The following FBLN5 variants were observed in gnomAD, a reference collection of about 807,000 sequenced individuals.
FBLN5 encodes fibulin-5.
Under a neutral mutation model 61.6 loss-of-function variants are expected in FBLN5, and 24 were observed. The observed-to-expected ratio is 0.39, with a 90% CI of 0.28 to 0.55. FBLN5 has a LOEUF of 0.55. Among genes scored for constraint, FBLN5 ranks in the 20% least tolerant of loss-of-function variants. The pLI is 0.65. For synonymous variants in FBLN5, 213 were observed against 219.8 expected, an observed-to-expected ratio of 0.97 and a Z score of 0.27; for missense variants, 470 against 594.1, an observed-to-expected ratio of 0.79 and a Z score of 2.17.
intron 7 of FBLN5, among the ~76,000 whole-genome samples, chr14:91,883,411 C>T (rs746837170): frequency 2.2e-4 from 33 of 152,232 alleles, no homozygotes; most frequent in East Asian, 1.9e-4. Flanking sequence ...ATCCACCCTC[C>T]GCCTCTGACC....
intron 4 of FBLN5, among the ~76,000 whole-genome samples, chr14:91,921,728 T>C (rs1300677644): frequency 6.6e-6 from 1 of 152,152 alleles, no homozygotes; most frequent in Non-Finnish European, 1.5e-5. Context: ...GGGTGCCATC[T>C]GAACTGAGCT....
chr14:91,936,105 C>T (rs1177169586), intron 4 of FBLN5, among the ~76,000 whole-genome samples: 1 of 152,112 alleles, frequency 6.6e-6, no homozygotes, highest in South Asian at 2.1e-4. Flanking sequence ...CACTCCAGAG[C>T]CCTGAAATGG....
At chr14:91,908,801 A>G (rs1890788461) in intron 4 of FBLN5, among the ~76,000 whole-genome samples, 1 of 152,186 alleles carries the variant, frequency 6.6e-6, no homozygotes, top group Non-Finnish European at 1.5e-5. Context: ...ATTGAGAACT[A>G]CTGACCTAGC....
At chr14:91,904,344 T>G (rs779896973) in intron 4 of FBLN5, among the ~76,000 whole-genome samples, 6 of 152,264 alleles carry the variant, frequency 3.9e-5, no homozygotes, top group Non-Finnish European at 5.9e-5. Flanking sequence ...GGCCCGTCTC[T>G]CATTCCCAGA....
At chr14:91,934,960 C>A (rs2055988584) in intron 4 of FBLN5, among the ~76,000 whole-genome samples, 1 of 152,126 alleles carries the variant, frequency 6.6e-6, no homozygotes, top group Admixed American at 6.5e-5. Flanking sequence ...TCAGCGAGGG[C>A]CATTTGAAAG....
At chr14:91,923,944 C>T (rs1462535514) in intron 4 of FBLN5, among the ~76,000 whole-genome samples, 2 of 152,216 alleles carry the variant, frequency 1.3e-5, no homozygotes. Flanking sequence ...CCCATACCTA[C>T]GTTCGTTGCC....
intron 4 of FBLN5, among the ~76,000 whole-genome samples, chr14:91,934,909 C>A (rs527281249): frequency 1.3e-5 from 2 of 152,186 alleles, no homozygotes; most frequent in Non-Finnish European, 2.9e-5. Flanking sequence ...TACTTCCCCC[C>A]ACCCCCACAA....
chr14:91,885,203 G>C (rs1889672666), intron 7 of FBLN5, among the ~76,000 whole-genome samples: 1 of 152,160 alleles, frequency 6.6e-6, no homozygotes, highest in Non-Finnish European at 1.5e-5. Context: ...ACATATCCCG[G>C]GGTCACACCA....
intron 4 of FBLN5, among the ~76,000 whole-genome samples, chr14:91,914,591 T>C (rs965719577): frequency 3.3e-5 from 5 of 150,336 alleles, no homozygotes; most frequent in African/African-American, 1.2e-4. Context: ...ACCATGATCA[T>C]GCCACTGCAT....
chr14:91,895,797 C>CAAAAAAAAAAAAAAAAAAAA (rs60216411), intron 4 of FBLN5, among the ~76,000 whole-genome samples: 1 of 63,502 alleles, frequency 1.6e-5, no homozygotes. Context: ...GACCCTGTCT[C>CAAAAAAAAAAAAAAAAAAAA]AAAAAAAAAA....
Position 91,942,980 on chromosome 14 carries a change from A to C in FBLN5, c.18-19T>G. The stretch of plus-strand genomic sequence containing the variant: ...GAGTATCCTGTGGAGGTGAAAAGTC[A>C]AATATAAATGCCCAAGACAGATTCA... On this transcript the variant is annotated intron_variant, in intron 1 of 10. Coordinates refer to ENST00000342058, the MANE Select transcript of FBLN5 (RefSeq NM_006329.4). 6.5e-6 allele frequency: 10 copies of C among 1,528,044 alleles called. No homozygotes were observed. Among genetic ancestry groups the C allele is most frequent in the Non-Finnish European group, 8.9e-6 (10 of 1,123,170 alleles). The allele number at this position is 1,528,044 out of a possible 1,614,324, so 94.7% of individuals were successfully genotyped here.
intron 4 of FBLN5, among the ~76,000 whole-genome samples, chr14:91,918,014 A>G (rs1418725428): frequency 6.6e-6 from 1 of 152,140 alleles, no homozygotes; most frequent in Non-Finnish European, 1.5e-5. Context: ...CCCCCAACCC[A>G]AGAGCTGAAG....
chr14:91,933,081 G>T (rs2055953801), intron 4 of FBLN5, among the ~76,000 whole-genome samples: 1 of 152,174 alleles, frequency 6.6e-6, no homozygotes, highest in African/African-American at 2.4e-5. Context: ...GGCTGAGAAA[G>T]CAGGATTTTG....
At position 91,899,217 on chromosome 14, in the gene FBLN5, C is replaced by T. The variant is rs568316716; in HGVS notation, c.380-4145G>A. On this transcript the variant is annotated intron_variant, in intron 4 of 10. Transcript: ENST00000342058. ...AGCTGGCATCAAGCATATTCCCTCC[C>T]GCTGTATGGTACCCAGAAGCAGACT... Among the ~76,000 whole-genome samples the T allele has an allele frequency of 3.5e-4, 54 of 152,238 alleles. 1 individual carries two copies. The highest frequency in any genetic ancestry group is 2.2e-3 in the Admixed American group (33 of 15,280).
At chr14:91,887,704 T>A (rs1220645973) in intron 6 of FBLN5, among the ~76,000 whole-genome samples, 2 of 152,136 alleles carry the variant, frequency 1.3e-5, no homozygotes, top group Non-Finnish European at 2.9e-5. Context: ...CCTCACTGAC[T>A]TGGAAGTTTC....
intron 4 of FBLN5, among the ~76,000 whole-genome samples, chr14:91,924,864 C>T (rs193116695): frequency 1.3e-5 from 2 of 152,280 alleles, no homozygotes; most frequent in African/African-American, 4.8e-5. Context: ...TCATCCCTGT[C>T]CCCACGGAGA....
chr14:91,942,054 C>A lies in FBLN5; in HGVS notation c.72+853G>T, dbSNP rs1021198586. On this transcript the variant is annotated intron_variant, in intron 2 of 10. Coordinates refer to ENST00000342058, the MANE Select transcript of FBLN5 (RefSeq NM_006329.4). ...TCCCCTACCTGCCTGCAGCCCTCAG[C>A]CTGCTCAGAGATAGGGCTTCTCTCA... 2.3e-5 allele frequency: 10 copies of A among 438,116 alleles called. 1 individual carries two copies. In the Admixed American group the frequency reaches 2.5e-4, roughly 11 times the overall value. 27.1% of individuals were successfully genotyped at this position (438,116 alleles called of 1,614,324 possible). A position where few individuals can be genotyped will look rare whatever the true frequency, so the allele number is the denominator to read the frequency against.
chr14:91,942,020 A>C, intron 2 of FBLN5: 1 of 373,856 alleles, frequency 2.7e-6, no homozygotes, highest in Non-Finnish European at 5.3e-6. Context: ...ATATGAAGAG[A>C]GAAAATGCTC....
intron 4 of FBLN5, among the ~76,000 whole-genome samples, chr14:91,907,643 G>A (rs1005123654): frequency 2.0e-4 from 31 of 151,992 alleles, no homozygotes; most frequent in Admixed American, 3.3e-4. Flanking sequence ...TAAAGGCATC[G>A]TGTGCCAAGC....
Sources: allele counts gnomAD v4.1 joint callset (sites outside exome capture counted in the v4.1 genomes callset), GRCh38; gene constraint gnomAD v4.1.1; transcripts MANE v1.5; gene names NCBI Gene and HGNC (gene_info 2026-07-23, HGNC 2026-07-21).